CWH43: variants seen among roughly 807,000 people sequenced by gnomAD.
The protein encoded by CWH43 is cell wall biogenesis 43 C-terminal homolog.
CWH43 carries 91 observed loss-of-function variants against 85.7 expected under a neutral mutation model. The ratio of observed to expected loss-of-function variants is 1.06; its 90% CI spans 0.90 to 1.26. The LOEUF (loss-of-function observed/expected upper bound fraction) is 1.26, where lower values mean the gene tolerates loss of function less well. CWH43 is among the 50% of genes most tolerant of loss of function. The probability of loss-of-function intolerance (pLI) is 0.00; values close to 1 mark genes in which losing one functional copy is unlikely to be tolerated. For missense variants in CWH43, 869 were observed against 839.2 expected (o/e 1.04, Z -0.44); for synonymous variants, 323 against 293.6 (o/e 1.10, Z -1.02).
chr4:49,003,650 T>C, intron 6 of CWH43, 85 bp from the exon 7 acceptor site: 1 of 1,336,220 alleles, frequency 7.5e-7, no homozygotes, highest in South Asian at 1.3e-5. Context: ...ACCCCTAAGG[T>C]CTGTTCTGGT....
At chr4:49,011,890 C>G (rs1183406758) in intron 8 of CWH43, among the ~76,000 whole-genome samples, 1 of 152,194 alleles carries the variant, frequency 6.6e-6, no homozygotes, top group East Asian at 1.9e-4. Context: ...ACATTTCTCT[C>G]TGGCTGCCCT....
chr4:49,009,836 T>C (rs1783295365), intron 8 of CWH43, among the ~76,000 whole-genome samples: 1 of 152,128 alleles, frequency 6.6e-6, no homozygotes, highest in Admixed American at 6.6e-5. Flanking sequence ...TAACTTGATC[T>C]TGGTGGATAA....
chr4:49,017,470 C>G, intron 9 of CWH43, 142 bp downstream of exon 9: 1 of 547,864 alleles, frequency 1.8e-6, no homozygotes, highest in Non-Finnish European at 3.2e-6. Context: ...ATGTGCCAGA[C>G]TGATAAGATA....
intron 14 of CWH43, among the ~76,000 whole-genome samples, chr4:49,047,894 G>A (rs1784676665): frequency 6.6e-6 from 1 of 152,168 alleles, no homozygotes; most frequent in African/African-American, 2.4e-5. Context: ...GATTGTTTTG[G>A]TTTACACCAC....
At chr4:49,058,767 A>C (rs1785048069) in intron 15 of CWH43, among the ~76,000 whole-genome samples, 1 of 152,198 alleles carries the variant, frequency 6.6e-6, no homozygotes, top group South Asian at 2.1e-4. Context: ...TTCTTTTAGC[A>C]CTTTGAATAC....
intron 9 of CWH43, among the ~76,000 whole-genome samples, chr4:49,019,224 G>C (rs1783659806): frequency 6.6e-6 from 1 of 152,170 alleles, no homozygotes; most frequent in Non-Finnish European, 1.5e-5. Flanking sequence ...TTTAGATCAA[G>C]CTGCCATGAA....
chr4:49,060,644 G>C (rs945630915), intron 15 of CWH43, among the ~76,000 whole-genome samples: 6 of 152,138 alleles, frequency 3.9e-5, no homozygotes, highest in Non-Finnish European at 7.4e-5. Context: ...GTAATGTGAA[G>C]TTGTCCTTCT....
chr4:48,995,238 G>T (rs1157291017), intron 5 of CWH43, among the ~76,000 whole-genome samples: 2 of 152,206 alleles, frequency 1.3e-5, no homozygotes, highest in Non-Finnish European at 2.9e-5. Context: ...TAGGTTGGCT[G>T]CCTGGGGCAC....
At chr4:49,020,038 G>A (rs1487622599) in intron 9 of CWH43, among the ~76,000 whole-genome samples, 2 of 152,010 alleles carry the variant, frequency 1.3e-5, no homozygotes, top group Non-Finnish European at 2.9e-5. Context: ...GGTTTTTGGG[G>A]AATGGGTGCT....
intron 8 of CWH43, chr4:49,016,838 A>G (rs986518697): frequency 1.3e-6 from 1 of 780,138 alleles, no homozygotes; most frequent in Non-Finnish European, 2.4e-6. Context: ...CAATCAGTTC[A>G]TCTGACTCCC....
At chr4:49,037,912 C>G in intron 12 of CWH43, 124 bp from the exon 13 acceptor site, 3 of 721,208 alleles carry the variant, frequency 4.2e-6, no homozygotes, top group Non-Finnish European at 6.9e-6. Flanking sequence ...AGACAGTTGC[C>G]CGAGTAGGAA....
intron 12 of CWH43, among the ~76,000 whole-genome samples, chr4:49,033,331 G>A (rs1784160903): frequency 6.6e-6 from 1 of 152,150 alleles, no homozygotes; most frequent in Non-Finnish European, 1.5e-5. Context: ...ATACTGATAA[G>A]CCTATTTGGA....
intron 1 of CWH43, chr4:48,986,683 G>A: frequency 3.0e-6 from 4 of 1,341,114 alleles, no homozygotes; most frequent in Non-Finnish European, 3.8e-6. Flanking sequence ...CTGAGTCTGC[G>A]AGGCGCCCGC....
rs913875260 is a variant in CWH43, at chr4:48,997,106, A to G, written c.714-1354A>G. 4.7e-4 allele frequency among the ~76,000 whole-genome samples: 71 copies of G among 152,328 alleles called. 1 individual carries two copies. The highest frequency in any genetic ancestry group is 1.4e-3 in the African/African-American group (59 of 41,580). On this transcript the variant is annotated intron_variant, in intron 5 of 15. Transcript: ENST00000226432. ...CATGGAATTCTTCTTTAGAACATCT[A>G]TTAATATCTGACAGAATAGGTGTGT...
chr4:49,025,032 G>A (rs966140960), intron 9 of CWH43, among the ~76,000 whole-genome samples: 4 of 151,764 alleles, frequency 2.6e-5, no homozygotes, highest in Non-Finnish European at 5.9e-5. Flanking sequence ...ACTTCTTGGA[G>A]GCTTTGTTTA....
Position 49,055,565 on chromosome 4 carries a change from GA to G in CWH43, c.2021+4718del, listed in dbSNP as rs377615492. On this transcript the variant is annotated intron_variant, in intron 15 of 15. Coordinates refer to ENST00000226432, the MANE Select transcript of CWH43 (RefSeq NM_025087.3). ...CCTCTTCAATTATGAAAGAGTTTGA[GA>G]AGGATGGGCATTAATTTTTCTTTCA... Among the ~76,000 whole-genome samples, 83 of 150,462 alleles carry G rather than the reference GA, an allele frequency of 5.5e-4. 1 individual carries two copies. The highest frequency in any genetic ancestry group is 1.9e-3 in the African/African-American group (79 of 41,234).
At chr4:49,028,263 C>G (rs1216632998) in intron 9 of CWH43, among the ~76,000 whole-genome samples, 1 of 151,954 alleles carries the variant, frequency 6.6e-6, no homozygotes, top group Non-Finnish European at 1.5e-5. Context: ...CTATGTAGCC[C>G]TAATTCATTT....
chr4:49,047,495 G>GT (rs1163609299), intron 14 of CWH43, among the ~76,000 whole-genome samples: 10 of 152,298 alleles, frequency 6.6e-5, no homozygotes, highest in Middle Eastern at 3.4e-3. Context: ...GCAATTGTAA[G>GT]TAGGGAGCTG....
intron 13 of CWH43, among the ~76,000 whole-genome samples, chr4:49,041,760 G>A (rs1422083051): frequency 6.6e-6 from 1 of 152,172 alleles, no homozygotes; most frequent in Non-Finnish European, 1.5e-5. Flanking sequence ...CAAACCAGCA[G>A]CCTTTAAGTT....
Sources: allele counts gnomAD v4.1 joint callset (sites outside exome capture counted in the v4.1 genomes callset), GRCh38; gene constraint gnomAD v4.1.1; transcripts MANE v1.5; gene names NCBI Gene and HGNC (gene_info 2026-07-23, HGNC 2026-07-21).